Variants in FBXL2 observed in about 807,000 individuals in gnomAD.
FBXL2 encodes the protein F-box/LRR-repeat protein 2.
Under a neutral mutation model 69.2 loss-of-function variants are expected in FBXL2, and 38 were observed. That is an observed-to-expected ratio of 0.55 (90% CI 0.42 to 0.72). FBXL2 has a LOEUF of 0.72. Ranked by LOEUF, FBXL2 falls within the 30% of genes least tolerant of loss-of-function variation. The pLI is 0.00. For missense variants in FBXL2, 354 were observed against 520.3 expected (o/e 0.68, Z 3.11); for synonymous variants, 192 against 201.3 (o/e 0.95, Z 0.39).
intron 1 of FBXL2, among the ~76,000 whole-genome samples, chr3:33,292,087 A>C (rs1258171011): frequency 6.6e-6 from 1 of 152,232 alleles, no homozygotes; most frequent in Non-Finnish European, 1.5e-5. Flanking sequence ...ATTTATTAAA[A>C]ATACATAACA....
chr3:33,350,403 A>G (rs901048043), intron 2 of FBXL2, among the ~76,000 whole-genome samples: 3 of 151,838 alleles, frequency 2.0e-5, no homozygotes, highest in Middle Eastern at 3.2e-3. Context: ...GATAAAGAAC[A>G]TCTACACAAG....
intron 5 of FBXL2, among the ~76,000 whole-genome samples, chr3:33,370,494 C>T (rs755851608): frequency 1.3e-5 from 2 of 151,724 alleles, no homozygotes; most frequent in African/African-American, 2.4e-5. Context: ...GGATGGTGCT[C>T]CTCTGTTTTC....
rs1159026832 is a variant in FBXL2 at position 33,386,462 on chromosome 3, TG to T, written c.*856del. 1 of 152,188 alleles carries T rather than the reference TG, an allele frequency of 6.6e-6. No homozygotes were observed. Among genetic ancestry groups the T allele is most frequent in the Non-Finnish European group, 1.5e-5 (1 of 68,038 alleles). The allele number at this position is 152,188 out of a possible 1,614,324, so 9.4% of individuals were successfully genotyped here. On this transcript the variant is annotated 3_prime_UTR_variant, in exon 15 of 15. Transcript: ENST00000484457. The stretch of plus-strand genomic sequence containing the variant: ...AGTATAATCAATTAGAAGTAATGAA[TG>T]GATGCATGTAAAATGGATGTGATTT...
At position 33,373,575 on chromosome 3, in the gene FBXL2, C is replaced by G. The variant is rs190980459; in HGVS notation, c.456-3C>G. The stretch of plus-strand genomic sequence containing the variant: ...CATAAGTTTTTGTTTCTTGTTCTCT[C>G]AGTGAGGGCTGCCGAAACCTGGAGT... On this transcript the variant is annotated splice_polypyrimidine_tract_variant and splice_region_variant and intron_variant, in intron 7 of 14. Coordinates refer to ENST00000484457, the MANE Select transcript of FBXL2 (RefSeq NM_012157.5). The G allele has an allele frequency of 3.1e-6, 5 of 1,614,128 alleles. No homozygotes were observed. The African/African-American group carries it at 5.3e-5, about 17-fold the overall frequency.
chr3:33,418,847 G>A, the FBXL2 span, among the ~76,000 whole-genome samples: 2 of 97,198 alleles, frequency 2.1e-5, no homozygotes, highest in African/African-American at 4.3e-5. Context: ...CAACAAGAAC[G>A]AAACTCTGTC....
At chr3:33,311,944 T>C (rs901955998) in intron 2 of FBXL2, among the ~76,000 whole-genome samples, 1 of 152,146 alleles carries the variant, frequency 6.6e-6, no homozygotes, top group Non-Finnish European at 1.5e-5. Flanking sequence ...TTTTATGATT[T>C]CTGTCTCTTT....
At chr3:33,277,177 GTTTT>G (rs780593890), upstream of FBXL2, 5 of 284,086 alleles carry the variant, frequency 1.8e-5, no homozygotes, top group South Asian at 3.5e-4. Context: ...CCTGTATAAC[GTTTT>G]TTTTAAAAAA....
At chr3:33,320,381 C>CA (rs982439302) in intron 2 of FBXL2, among the ~76,000 whole-genome samples, 5 of 148,686 alleles carry the variant, frequency 3.4e-5, no homozygotes, top group African/African-American at 4.9e-5. Flanking sequence ...CTCACACATA[C>CA]AAAAAAAATC....
intron 5 of FBXL2, among the ~76,000 whole-genome samples, chr3:33,370,239 C>T (rs1019691524): frequency 3.3e-5 from 5 of 151,784 alleles, no homozygotes; most frequent in Non-Finnish European, 7.4e-5. Context: ...ACAGTGAAAT[C>T]CCGTCTCTAC....
chr3:33,409,689 C>G, the FBXL2 span: 6 of 1,508,254 alleles, frequency 4.0e-6, no homozygotes, highest in Non-Finnish European at 5.5e-6. Context: ...CCTGACACCA[C>G]TATAAATTCA....
the FBXL2 span, among the ~76,000 whole-genome samples, chr3:33,417,601 A>G: frequency 6.6e-6 from 1 of 152,238 alleles, no homozygotes; most frequent in African/African-American, 2.4e-5. Flanking sequence ...TGTTTATTAG[A>G]AAACACAGAT....
At chr3:33,325,386 G>C (rs1489535986) in intron 2 of FBXL2, among the ~76,000 whole-genome samples, 1 of 152,160 alleles carries the variant, frequency 6.6e-6, no homozygotes, top group Admixed American at 6.5e-5. Flanking sequence ...CAAAGCGAAT[G>C]CTTCCAGCTT....
the FBXL2 span, among the ~76,000 whole-genome samples, chr3:33,419,801 G>A: frequency 1.3e-5 from 2 of 151,972 alleles, no homozygotes; most frequent in Non-Finnish European, 2.9e-5. Context: ...TTAATACCAC[G>A]GCTTCCTGAA....
chr3:33,310,519 T>C (rs1462179755), intron 2 of FBXL2, among the ~76,000 whole-genome samples: 3 of 152,206 alleles, frequency 2.0e-5, no homozygotes, highest in Non-Finnish European at 4.4e-5. Flanking sequence ...ATAATTATAG[T>C]GTTAGAGTAT....
downstream of FBXL2, chr3:33,392,294 A>G (rs569236914): frequency 2.8e-6 from 1 of 352,044 alleles, no homozygotes; most frequent in African/African-American, 2.1e-5. Context: ...CCACTGAGCG[A>G]CAGAAGCACG....
At chr3:33,360,787 T>A (rs1017754353) in intron 4 of FBXL2, among the ~76,000 whole-genome samples, 1 of 152,188 alleles carries the variant, frequency 6.6e-6, no homozygotes, top group African/African-American at 2.4e-5. Flanking sequence ...TCATTTCTAC[T>A]GACCACAAAG....
At chr3:33,390,092 G>A, downstream of FBXL2, 1 of 474,258 alleles carries the variant, frequency 2.1e-6, no homozygotes, top group Non-Finnish European at 3.8e-6. Flanking sequence ...CCTGCACCGT[G>A]GCCTCCAGAG....
intron 2 of FBXL2, among the ~76,000 whole-genome samples, chr3:33,350,433 A>ATTT (rs60005264): frequency 6.9e-6 from 1 of 145,326 alleles, no homozygotes; most frequent in African/African-American, 2.5e-5. Context: ...TAACATCATA[A>ATTT]TTTTTTTTTT....
chr3:33,366,944 A>G (rs2041990523), intron 5 of FBXL2, among the ~76,000 whole-genome samples: 1 of 152,220 alleles, frequency 6.6e-6, no homozygotes. Context: ...TCTCAAAAAT[A>G]AATAAATTAA....
Sources: gnomAD v4.1 joint callset for allele counts (sites outside exome capture counted in the v4.1 genomes callset) on GRCh38, gnomAD v4.1.1 for gene constraint, MANE v1.5 for transcripts, NCBI Gene and HGNC (gene_info 2026-07-23, HGNC 2026-07-21) for gene names.